The following SH3KBP1 variants were observed in gnomAD, a reference collection of about 807,000 sequenced individuals.
SH3KBP1 encodes SH3 domain-containing kinase-binding protein 1.
In SH3KBP1, 8 loss-of-function variants were observed where a neutral mutation model predicts 50.1. The ratio of observed to expected loss-of-function variants is 0.16; its 90% CI spans 0.09 to 0.29. The LOEUF (loss-of-function observed/expected upper bound fraction) is 0.29, where lower values mean the gene tolerates loss of function less well. SH3KBP1 is among the 10% of genes least tolerant of loss of function. The probability of loss-of-function intolerance (pLI) is 1.00; values close to 1 mark genes in which losing one functional copy is unlikely to be tolerated. For synonymous variants in SH3KBP1, 227 were observed against 218.6 expected (o/e 1.04, Z -0.34); for missense variants, 377 against 535.2 (o/e 0.70, Z 2.92).
At chrX:19,775,952 A>C (rs1050255492) in intron 2 of SH3KBP1, among the ~76,000 whole-genome samples, 8 of 111,296 alleles carry the variant, frequency 7.2e-5, no homozygotes, top group African/African-American at 2.6e-4. Flanking sequence ...CCACAGCCTA[A>C]TTTGTCCCTT....
At chrX:19,770,993 C>A (rs2065773715) in intron 2 of SH3KBP1, among the ~76,000 whole-genome samples, 1 of 111,541 alleles carries the variant, frequency 9.0e-6, no homozygotes, top group African/African-American at 3.3e-5. Flanking sequence ...TGTCTGTTTA[C>A]CCTGTTGATA....
chrX:19,727,346 C>T (rs1283714640), intron 3 of SH3KBP1, among the ~76,000 whole-genome samples: 3 of 112,033 alleles, frequency 2.7e-5, no homozygotes, highest in Non-Finnish European at 5.6e-5. Context: ...CCCTGCAAAC[C>T]ACCATCCTAC....
chrX:19,636,162 A>G (rs4825311), intron 7 of SH3KBP1, among the ~76,000 whole-genome samples: 26,316 of 109,379 alleles, frequency 0.24, 2,677 homozygotes, highest in African/African-American at 0.37. Context: ...GAGAGAGAGA[A>G]AAAATAAAGC....
intron 13 of SH3KBP1, among the ~76,000 whole-genome samples, chrX:19,565,728 G>A (rs1052901520): frequency 2.2e-4 from 25 of 111,158 alleles, no homozygotes; most frequent in African/African-American, 7.9e-4. Flanking sequence ...ATAAAGGCAT[G>A]TTCTACCCCA....
At chrX:19,813,695 C>T (rs2067274688) in intron 2 of SH3KBP1, among the ~76,000 whole-genome samples, 1 of 110,618 alleles carries the variant, frequency 9.0e-6, no homozygotes, top group Non-Finnish European at 1.9e-5. Flanking sequence ...GGCATCACCA[C>T]CTGAGGCTCT....
chrX:19,588,948 T>C (rs940014932), intron 11 of SH3KBP1, 146 bp from the exon 12 acceptor site: 1 of 487,724 alleles, frequency 2.1e-6, no homozygotes, highest in Non-Finnish European at 3.2e-6. Flanking sequence ...CACCACTTAT[T>C]CTTTGTCAGG....
At chrX:19,797,915 A>ACACACACACG (rs2066768961) in intron 2 of SH3KBP1, among the ~76,000 whole-genome samples, 1 of 109,736 alleles carries the variant, frequency 9.1e-6, no homozygotes, top group Non-Finnish European at 1.9e-5. Flanking sequence ...ACACACACAC[A>ACACACACACG]CACACACACG....
At chrX:19,637,728 G>A (rs1041121742) in intron 7 of SH3KBP1, among the ~76,000 whole-genome samples, 20 of 111,091 alleles carry the variant, frequency 1.8e-4, no homozygotes, top group African/African-American at 4.9e-4. Flanking sequence ...AGGTGGGACC[G>A]GGAATCCATT....
chrX:19,772,487 T>G (rs1332353624), intron 2 of SH3KBP1, among the ~76,000 whole-genome samples: 2 of 111,197 alleles, frequency 1.8e-5, no homozygotes, highest in Non-Finnish European at 3.8e-5. Flanking sequence ...TTTTTTGTTT[T>G]TTTTTAGAAG....
intron 6 of SH3KBP1, among the ~76,000 whole-genome samples, chrX:19,646,740 GGATAA>G (rs2061999100): frequency 8.9e-6 from 1 of 112,386 alleles, no homozygotes; most frequent in Admixed American, 9.4e-5. Context: ...CACAGAAAGA[GGATAA>G]GATAAATCAA....
chrX:19,553,885 TATATTATATATTATATATATAAA>T (rs1188858883), intron 13 of SH3KBP1, among the ~76,000 whole-genome samples: 2 of 81,198 alleles, frequency 2.5e-5, no homozygotes, highest in African/African-American at 4.6e-5. Context: ...ATATATAATA[TATATTATATATTATATATATAAA>T]ATATTATATA....
In SH3KBP1 at chrX:19,846,289, A is replaced by G. The variant is rs2068367892; in HGVS notation, c.5-10007T>C. ...GGTCTCAAACTCCTAACCTCAAGTG[A>G]TTGGCCAGCCTCAGCTTCCCAAAGT... On this transcript the variant is annotated intron_variant, in intron 1 of 17. Transcript: ENST00000397821. 2.7e-5 allele frequency among the ~76,000 whole-genome samples: 3 copies of G among 112,064 alleles called. No individual in the cohort carries two copies. The Admixed American group carries it at 2.8e-4, about 11-fold the overall frequency.
At chrX:19,834,800 T>C (rs1163619888) in intron 2 of SH3KBP1, among the ~76,000 whole-genome samples, 2 of 110,343 alleles carry the variant, frequency 1.8e-5, no homozygotes, top group African/African-American at 6.6e-5. Context: ...GAGGCTGAGG[T>C]GGGCGGATCA....
chrX:19,617,920 CA>C (rs961895538), intron 8 of SH3KBP1, among the ~76,000 whole-genome samples: 2 of 111,166 alleles, frequency 1.8e-5, no homozygotes, highest in South Asian at 3.8e-4. Flanking sequence ...AAAACAAAAA[CA>C]AAAAAACCTT....
intron 8 of SH3KBP1, among the ~76,000 whole-genome samples, chrX:19,612,365 C>T (rs909719754): frequency 5.4e-5 from 6 of 111,647 alleles, no homozygotes; most frequent in East Asian, 2.8e-4. Flanking sequence ...CAGGTTCAAG[C>T]GATTCTCCTG....
chrX:19,695,513 C>T (rs1458931638), intron 5 of SH3KBP1, 99 bp downstream of exon 5: 2 of 1,039,642 alleles, frequency 1.9e-6, no homozygotes, highest in South Asian at 4.2e-5. Flanking sequence ...TAAGCGTTTA[C>T]TATAGCCTCT....
At chrX:19,867,784 C>T (rs1466970762) in intron 1 of SH3KBP1, among the ~76,000 whole-genome samples, 1 of 110,911 alleles carries the variant, frequency 9.0e-6, no homozygotes, top group Non-Finnish European at 1.9e-5. Context: ...ATCTTATATA[C>T]AAAAATGAGT....
intron 6 of SH3KBP1, among the ~76,000 whole-genome samples, chrX:19,664,198 GTCTC>G (rs1460407834): frequency 1.8e-5 from 2 of 111,723 alleles, no homozygotes; most frequent in Non-Finnish European, 3.8e-5. Flanking sequence ...CCGTTTACTT[GTCTC>G]TCTCTACTGC....
At chrX:19,864,852 A>C (rs1352310806) in intron 1 of SH3KBP1, among the ~76,000 whole-genome samples, 1 of 112,149 alleles carries the variant, frequency 8.9e-6, no homozygotes, top group Non-Finnish European at 1.9e-5. Context: ...ACTGTTAATG[A>C]AGTAAAACTC....
Sources: allele counts gnomAD v4.1 joint callset (sites outside exome capture counted in the v4.1 genomes callset), GRCh38; gene constraint gnomAD v4.1.1; transcripts MANE v1.5; gene names NCBI Gene and HGNC (gene_info 2026-07-23, HGNC 2026-07-21).